The following SMYD4 variants were observed in gnomAD, a reference collection of about 807,000 sequenced individuals.
SMYD4 encodes the protein protein-lysine N-methyltransferase SMYD4.
SMYD4 carries 68 observed loss-of-function variants against 72.8 expected under a neutral mutation model. The observed-to-expected ratio is 0.93, with a 90% CI of 0.77 to 1.14. SMYD4 has a LOEUF of 1.14. Ranked by LOEUF, SMYD4 falls within the 50% of genes most tolerant of loss-of-function variation. SMYD4 has a pLI of 0.00. For missense variants in SMYD4, 984 were observed against 1,003.7 expected (o/e 0.98, Z 0.27); for synonymous variants, 407 against 388.6 (o/e 1.05, Z -0.56).
At chr17:1,804,375 C>A (rs1052864789) in intron 4 of SMYD4, 6 of 365,222 alleles carry the variant, frequency 1.6e-5, no homozygotes, top group Non-Finnish European at 3.2e-5. Context: ...CAGGGTTCCA[C>A]TGTGTCGGCC....
chr17:1,792,926 T>A (rs1236053189), intron 5 of SMYD4, among the ~76,000 whole-genome samples: 1 of 141,576 alleles, frequency 7.1e-6, no homozygotes, highest in Non-Finnish European at 1.6e-5. Context: ...TTATGCATGT[T>A]TTTATTTTTA....
chr17:1,804,365 C>G (rs576617995), intron 4 of SMYD4: 122 of 337,444 alleles, frequency 3.6e-4, no homozygotes, highest in Admixed American at 1.4e-3. Flanking sequence ...TTAGTAGAGA[C>G]AGGGTTCCAC....
chr17:1,813,781 A>G lies in SMYD4; in HGVS notation c.135-1666T>C, dbSNP rs1910450926. 2.0e-5 allele frequency among the ~76,000 whole-genome samples: 3 copies of G among 151,984 alleles called. No homozygotes were observed. The Admixed American group carries it at 2.0e-4, about 10-fold the overall frequency. On this transcript the variant is annotated intron_variant, in intron 2 of 10. Transcript: ENST00000305513. ...ACTAAGAAGTTTAAGAAATAAATATACAAATGCTCTACAAAATTAATAAAG... is the reference window on the plus strand; with the variant it reads ...ACTAAGAAGTTTAAGAAATAAATATGCAAATGCTCTACAAAATTAATAAAG...
At chr17:1,808,779 A>G (rs1006726076) in intron 3 of SMYD4, among the ~76,000 whole-genome samples, 7 of 152,234 alleles carry the variant, frequency 4.6e-5, no homozygotes, top group Admixed American at 1.3e-4. Context: ...AAAGTTGAAG[A>G]GATTAGCTCT....
intron 1 of SMYD4, among the ~76,000 whole-genome samples, chr17:1,828,842 C>CA (rs1911353635): frequency 4.6e-5 from 7 of 152,096 alleles, no homozygotes; most frequent in Non-Finnish European, 1.5e-5. Flanking sequence ...GATGATCCGC[C>CA]AGCCTTGGCC....
In SMYD4 at chr17:1,805,457, A is replaced by G. The variant is rs1313819801; in HGVS notation, c.280-742T>C. Among the ~76,000 whole-genome samples, 3 of 152,240 alleles carry G rather than the reference A, an allele frequency of 2.0e-5. No individual in the cohort carries two copies. The South Asian group carries it at 6.2e-4, about 32-fold the overall frequency. On this transcript the variant is annotated intron_variant, in intron 3 of 10. Coordinates refer to ENST00000305513, the MANE Select transcript of SMYD4 (RefSeq NM_052928.3). ...TCTACCATCAAATTGGCAAGGATTA[A>G]TAATAACCATAAATATGGTACTCAA...
intron 5 of SMYD4, among the ~76,000 whole-genome samples, chr17:1,790,699 T>C (rs1316775175): frequency 6.6e-6 from 1 of 151,878 alleles, no homozygotes; most frequent in Non-Finnish European, 1.5e-5. Context: ...GTATTTTTAG[T>C]AGAAGACAGG....
At chr17:1,789,874 G>A (rs2151223315) in intron 5 of SMYD4, among the ~76,000 whole-genome samples, 1 of 151,886 alleles carries the variant, frequency 6.6e-6, no homozygotes, top group East Asian at 1.9e-4. Context: ...AATAGAACAA[G>A]TAAATACATT....
In SMYD4 at chr17:1,787,495, G is replaced by A. The variant is rs138380586; in HGVS notation, c.1647C>T (p.Ser549=). The A allele has an allele frequency of 7.6e-6, 12 of 1,578,000 alleles. 1 individual carries two copies. In the African/African-American group the frequency reaches 1.3e-4, roughly 18 times the overall value. ...GGATGGTGGCGACAGTGCTAATGAAGGACACGCTGGTGTTGGGGCTACAGG... is the reference window on the plus strand; with the variant it reads ...GGATGGTGGCGACAGTGCTAATGAAAGACACGCTGGTGTTGGGGCTACAGG... The part of the protein sequence containing the change: ...NHSCSPNTSV[S]FISTVATIRA... The change falls in exon 6 of 11, where the codon TCC becomes TCT. Residue 549 remains serine (S), a synonymous_variant. Coordinates refer to ENST00000305513, the MANE Select transcript of SMYD4 (RefSeq NM_052928.3).
chr17:1,781,107 G>T lies in SMYD4; in HGVS notation c.*179C>A. ...GCTAGTTTTTTGTATTTTTAGTAAA[G>T]ATGGGGTTTCACCATGTTGGCCAGG... is the stretch of plus-strand genomic sequence containing the variant. On this transcript the variant is annotated 3_prime_UTR_variant, in exon 11 of 11. Transcript: ENST00000305513. 1.5e-6 allele frequency: 1 copy of T among 654,938 alleles called. No homozygotes were observed. The highest frequency in any genetic ancestry group is 2.4e-6 in the Non-Finnish European group (1 of 420,044). 40.6% of individuals were successfully genotyped at this position (654,938 alleles called of 1,614,324 possible).
intron 5 of SMYD4, among the ~76,000 whole-genome samples, chr17:1,798,364 T>C (rs1367628342): frequency 6.6e-6 from 1 of 152,030 alleles, no homozygotes; most frequent in Non-Finnish European, 1.5e-5. Context: ...CACCCCGGCC[T>C]CCCAAAGTGC....
intron 2 of SMYD4, among the ~76,000 whole-genome samples, chr17:1,812,942 A>C (rs1432375800): frequency 1.7e-5 from 1 of 58,576 alleles, no homozygotes; most frequent in Admixed American, 1.2e-4. Flanking sequence ...ACATCATAAA[A>C]GATTTTTTTT....
In SMYD4 at chr17:1,783,388, A is replaced by C; in HGVS notation, c.2109T>G (p.Asp703Glu). 1.2e-6 allele frequency: 2 copies of C among 1,612,582 alleles called. No homozygotes were observed. Among genetic ancestry groups the C allele is most frequent in the South Asian group, 2.2e-5 (2 of 91,000 alleles). Residue 703 changes from aspartate to glutamate, a missense_variant, in exon 9 of 11, where the codon GAT becomes GAG. Asp to Glu is a conservative substitution (Grantham distance 45, BLOSUM62 2). Coordinates refer to ENST00000305513, the MANE Select transcript of SMYD4 (RefSeq NM_052928.3). ...AGGCAGCACAGGCCCGGGCCAGGCC[A>C]TCCGCGATCTCTCCCACCACGGCGT... ...AEHAVVGEIA[D>E]GLARACAALG... is the part of the protein sequence containing the mutation.
intron 4 of SMYD4, among the ~76,000 whole-genome samples, chr17:1,803,133 C>T (rs1363264834): frequency 1.3e-5 from 2 of 152,180 alleles, no homozygotes; most frequent in African/African-American, 4.8e-5. Context: ...CAGAGCGAGA[C>T]ACTGTCTCAA....
chr17:1,796,007 G>A (rs1909386864), intron 5 of SMYD4, among the ~76,000 whole-genome samples: 1 of 151,912 alleles, frequency 6.6e-6, no homozygotes, highest in South Asian at 2.1e-4. Context: ...AATAAATTAT[G>A]CATAAAACAT....
At chr17:1,803,238 A>G (rs911023714) in intron 4 of SMYD4, among the ~76,000 whole-genome samples, 7 of 152,254 alleles carry the variant, frequency 4.6e-5, no homozygotes, top group African/African-American at 1.7e-4. Flanking sequence ...TGTCATTCAC[A>G]GAAAGCTGAC....
In SMYD4 at chr17:1,800,899, GGTC is replaced by G. The variant is rs1348400103; in HGVS notation, c.492_494del (p.Gln164_Thr165delinsHis). 6.2e-7 allele frequency: 1 copy of G among 1,614,176 alleles called. No homozygotes were observed. Among genetic ancestry groups the G allele is most frequent in the South Asian group, 1.1e-5 (1 of 91,080 alleles). Reference sequence around the variant, plus strand: ...TGAAGTTCCTTTCAAGATCACTGATGGTCTGGCTTGCCTCCTGCAGTCTCCCCA... The same window carrying G: ...TGAAGTTCCTTTCAAGATCACTGATGTGGCTTGCCTCCTGCAGTCTCCCCA... On this transcript the variant is annotated inframe_deletion, in exon 5 of 11. Transcript: ENST00000305513.
intron 5 of SMYD4, among the ~76,000 whole-genome samples, chr17:1,797,515 G>C (rs79375825): frequency 1.5e-3 from 236 of 152,310 alleles, no homozygotes; most frequent in Middle Eastern, 6.8e-3. Flanking sequence ...CAGGAAAGCA[G>C]GCTGAGCCAG....
intron 5 of SMYD4, among the ~76,000 whole-genome samples, chr17:1,797,910 G>A (rs1180425040): frequency 6.6e-6 from 1 of 151,996 alleles, no homozygotes; most frequent in African/African-American, 2.4e-5. Flanking sequence ...GCTGGGGCAG[G>A]AGAATCGCTT....
Sources: allele counts gnomAD v4.1 joint callset (sites outside exome capture counted in the v4.1 genomes callset), GRCh38; gene constraint gnomAD v4.1.1; transcripts MANE v1.5; gene names NCBI Gene and HGNC (gene_info 2026-07-23, HGNC 2026-07-21).